ILDR2: variants seen among roughly 807,000 people sequenced by gnomAD.
ILDR2 encodes immunoglobulin like domain containing receptor 2.
In ILDR2, 25 loss-of-function variants were observed where a neutral mutation model predicts 66.8. The observed-to-expected ratio is 0.37, with a 90% CI of 0.27 to 0.52. The LOEUF is 0.52. Among genes scored for constraint, ILDR2 ranks in the 20% least tolerant of loss-of-function variants. ILDR2 has a pLI of 0.88. For synonymous variants in ILDR2, 367 were observed against 357.2 expected (o/e 1.03, Z -0.31); for missense variants, 827 against 876.8 (o/e 0.94, Z 0.72).
At position 166,919,132 on chromosome 1, in the gene ILDR2, C is replaced by T. The variant is rs1322374014; in HGVS notation, c.*223G>A. The T allele has an allele frequency of 7.3e-6, 4 of 544,260 alleles. No individual in the cohort carries two copies. Among genetic ancestry groups the T allele is most frequent in the Non-Finnish European group, 1.3e-5 (4 of 302,942 alleles). The allele number at this position is 544,260 out of a possible 1,614,324, so 33.7% of individuals were successfully genotyped here. A position where few individuals can be genotyped will look rare whatever the true frequency, so the allele number is the denominator to read the frequency against. On this transcript the variant is annotated 3_prime_UTR_variant, in exon 10 of 10. Coordinates refer to ENST00000271417, the MANE Select transcript of ILDR2 (RefSeq NM_199351.3). ...CTCTGTATGTAGGAATGTTCTCACACATTCTTGCTTTCTTGGTAAGCTTCT... is the reference window on the plus strand; with the variant it reads ...CTCTGTATGTAGGAATGTTCTCACATATTCTTGCTTTCTTGGTAAGCTTCT...
intron 3 of ILDR2, among the ~76,000 whole-genome samples, chr1:166,948,256 G>A (rs1661758217): frequency 6.6e-6 from 1 of 152,160 alleles, no homozygotes; most frequent in South Asian, 2.1e-4. Context: ...AAAGATGGGT[G>A]ACCATCATAC....
Position 166,921,059 on chromosome 1 carries a change from G to C in ILDR2, c.1532C>G (p.Pro511Arg). 5 of 1,493,500 alleles carry C rather than the reference G, an allele frequency of 3.3e-6. No homozygotes were observed. Among genetic ancestry groups the C allele is most frequent in the Non-Finnish European group, 4.4e-6 (5 of 1,131,902 alleles). 92.5% of individuals were successfully genotyped at this position (1,493,500 alleles called of 1,614,324 possible). Residue 511 changes from proline (P) to arginine (R), a missense_variant, in exon 9 of 10, where the codon CCG becomes CGG. By Grantham distance (103) the Pro-to-Arg change is moderately radical. Transcript: ENST00000271417. This position sits in a 1 kb window ranked among gnomAD's most constrained non-coding sequence, Gnocchi z 5.3. ...RRRPAEDAHL[P>R]RLVSRTPGTA... ...GCCTGGCGTGCGGCTCACCAGCCGC[G>C]GCAGGTGCGCGTCCTCGGCGGGTCT...
At chr1:166,946,671 C>T (rs145683989) in intron 3 of ILDR2, among the ~76,000 whole-genome samples, 87 of 152,232 alleles carry the variant, frequency 5.7e-4, no homozygotes, top group African/African-American at 2.0e-3. Context: ...CCAAGTCACA[C>T]AATTCACTAA....
chr1:166,936,818 G>A lies in ILDR2; in HGVS notation c.557-81C>T. 1 of 1,364,100 alleles carries A rather than the reference G, an allele frequency of 7.3e-7. No individual in the cohort carries two copies. Among genetic ancestry groups the A allele is most frequent in the Non-Finnish European group, 1.0e-6 (1 of 969,220 alleles). 84.5% of individuals were successfully genotyped at this position (1,364,100 alleles called of 1,614,324 possible). ...TGCACTTTGATTGGCATCTCCCGGT[G>A]AAAGGGGGAGAGGAGGAGGGACCTA... On this transcript the variant is annotated intron_variant, in intron 4 of 9. Coordinates refer to ENST00000271417, the MANE Select transcript of ILDR2 (RefSeq NM_199351.3). This position sits in a 1 kb window ranked among gnomAD's most constrained non-coding sequence, Gnocchi z 5.0.
chr1:166,907,865 C>T (rs1253859527), downstream of ILDR2, among the ~76,000 whole-genome samples: 2 of 152,146 alleles, frequency 1.3e-5, no homozygotes, highest in Non-Finnish European at 2.9e-5. Context: ...TTCTGATAAC[C>T]ATGTTAGAGA....
chr1:166,957,638 T>C, intron 2 of ILDR2, 131 bp downstream of exon 2: 1 of 756,006 alleles, frequency 1.3e-6, no homozygotes, highest in Non-Finnish European at 2.1e-6. Flanking sequence ...TGCTCCCATT[T>C]CCAATAAAAT....
Position 166,916,648 on chromosome 1 carries a change from A to G in ILDR2, c.*2707T>C, listed in dbSNP as rs983825681. The G allele has an allele frequency of 6.6e-6, 1 of 152,220 alleles. No homozygotes were observed. The highest frequency in any genetic ancestry group is 2.4e-5 in the African/African-American group (1 of 41,464). 9.4% of individuals were successfully genotyped at this position (152,220 alleles called of 1,614,324 possible). A position where few individuals can be genotyped will look rare whatever the true frequency, so the allele number is the denominator to read the frequency against. ...ACTCAGCCTTAACTCCTGTCCATAT[A>G]CCCAGAAACAACTGCTTTTTCTCTC... On this transcript the variant is annotated 3_prime_UTR_variant, in exon 10 of 10. Transcript: ENST00000271417.
At chr1:166,924,188 A>G (rs890583179) in intron 7 of ILDR2, among the ~76,000 whole-genome samples, 13 of 152,202 alleles carry the variant, frequency 8.5e-5, no homozygotes, top group Admixed American at 3.3e-4. Context: ...CTTTTCTTCC[A>G]TCTAAGAAGA....
intron 2 of ILDR2, among the ~76,000 whole-genome samples, chr1:166,899,434 G>A (rs952464498): frequency 2.0e-5 from 3 of 151,722 alleles, no homozygotes; most frequent in Non-Finnish European, 4.4e-5. Context: ...AAAAAGACAC[G>A]ATTGCTATCC....
chr1:166,964,177 A>C lies in ILDR2; in HGVS notation c.47-6076T>G, dbSNP rs182545048. Among the ~76,000 whole-genome samples, 10 of 152,288 alleles carry C rather than the reference A, an allele frequency of 6.6e-5. No homozygotes were observed. In the South Asian group the frequency reaches 1.0e-3, roughly 16 times the overall value. ...AAATTTAAGAATTCCTCACTAAAAG[A>C]AGCACTAGAATTGAAGACCACAGGT... is the stretch of plus-strand genomic sequence containing the variant. On this transcript the variant is annotated intron_variant, in intron 1 of 9. Coordinates refer to ENST00000271417, the MANE Select transcript of ILDR2 (RefSeq NM_199351.3).
At chr1:166,974,071 C>G (rs116489743) in intron 1 of ILDR2, among the ~76,000 whole-genome samples, 51 of 152,278 alleles carry the variant, frequency 3.3e-4, no homozygotes, top group African/African-American at 1.2e-3. Flanking sequence ...GCTTGTTCCC[C>G]TTTGCCTAGT....
chr1:166,922,895 T>C, intron 7 of ILDR2, 86 bp from the exon 8 acceptor site: 1 of 1,203,808 alleles, frequency 8.3e-7, no homozygotes. Context: ...GCTGAGACCC[T>C]AGGCTCCAGG....
rs1235812007 is a variant in ILDR2 at position 166,920,896 on chromosome 1, G to A, written c.1695C>T (p.Tyr565=). The A allele has an allele frequency of 4.7e-6, 7 of 1,484,262 alleles. No individual in the cohort carries two copies. The highest frequency in any genetic ancestry group is 1.5e-5 in the African/African-American group (1 of 68,624). 91.9% of individuals were successfully genotyped at this position (1,484,262 alleles called of 1,614,324 possible). A position where few individuals can be genotyped will look rare whatever the true frequency, so the allele number is the denominator to read the frequency against. The change falls in exon 9 of 10, where the codon TAC becomes TAT. Residue 565 remains tyrosine, a synonymous_variant. Transcript: ENST00000271417. ...SAQLGPRSAS[Y]YAWSPPGTYK... is the part of the protein sequence containing the mutation. ...AGGTGCCGGGCGGCGACCAAGCGTA[G>A]TAGGAGGCGCTGCGCGGGCCGAGCT...
chr1:166,939,789 C>T (rs1232694045), intron 3 of ILDR2, among the ~76,000 whole-genome samples: 4 of 152,146 alleles, frequency 2.6e-5, no homozygotes, highest in Non-Finnish European at 4.4e-5. Context: ...CTAAACTAAG[C>T]GGAAGCAGAA....
chr1:166,932,960 G>C (rs542163819), intron 6 of ILDR2, among the ~76,000 whole-genome samples: 1 of 152,296 alleles, frequency 6.6e-6, no homozygotes, highest in African/African-American at 2.4e-5. Flanking sequence ...AGGAGGACTA[G>C]CCAAACACTA....
At position 166,921,156 on chromosome 1, in the gene ILDR2, C is replaced by T. The variant is rs754671976; in HGVS notation, c.1435G>A (p.Gly479Ser). 4.5e-6 allele frequency: 7 copies of T among 1,539,862 alleles called. No individual in the cohort carries two copies. In the African/African-American group the frequency reaches 6.8e-5, roughly 15 times the overall value. Reference protein sequence around the residue: ...YQDDSLEEYYGQRSRSREPLT... With the variant: ...YQDDSLEEYYSQRSRSREPLT... The stretch of plus-strand genomic sequence containing the variant: ...GGCTCGCGGCTGCGGCTGCGCTGAC[C>T]GTAGTACTCCTCCAAGGAGTCGTCC... The change falls in exon 9 of 10, where the codon GGT becomes AGT. Residue 479 changes from glycine to serine, a missense_variant. Gly to Ser is a moderately conservative substitution (Grantham distance 56). Around this residue, in one of 2 missense-constraint regions of ILDR2, gnomAD observed 390 missense variants for 353.6 expected, o/e 1.10. Coordinates refer to ENST00000271417, the MANE Select transcript of ILDR2 (RefSeq NM_199351.3). This position sits in a 1 kb window ranked among gnomAD's most constrained non-coding sequence, Gnocchi z 5.3.
intron 6 of ILDR2, chr1:166,933,487 C>A (rs1472525317): frequency 2.2e-6 from 2 of 913,708 alleles, no homozygotes; most frequent in South Asian, 1.0e-4. Context: ...AACCCTGGAA[C>A]TACCTTACCT....
Position 166,921,466 on chromosome 1 carries a change from G to A in ILDR2, c.1212-87C>T, listed in dbSNP as rs1424384390. 1.0e-5 allele frequency: 12 copies of A among 1,176,578 alleles called. No individual in the cohort carries two copies. In the East Asian group the frequency reaches 2.5e-4, roughly 24 times the overall value. The allele number at this position is 1,176,578 out of a possible 1,614,324, so 72.9% of individuals were successfully genotyped here. A position where few individuals can be genotyped will look rare whatever the true frequency, so the allele number is the denominator to read the frequency against. ...CCCAAGAGCACCCATCGTGTCCTGG[G>A]GCCACGCTCAGGAGACCTCGGCCTG... On this transcript the variant is annotated intron_variant, in intron 8 of 9. Transcript: ENST00000271417. The surrounding 1 kb of genome is among the most constrained non-coding windows in gnomAD (Gnocchi z 5.3).
chr1:166,923,198 C>T (rs986520969), intron 7 of ILDR2, among the ~76,000 whole-genome samples: 2 of 152,134 alleles, frequency 1.3e-5, no homozygotes, highest in African/African-American at 4.8e-5. Context: ...TGATCCTAGA[C>T]ATGTTAAGCC....
Sources: gnomAD v4.1 joint callset for allele counts (sites outside exome capture counted in the v4.1 genomes callset) on GRCh38, gnomAD v4.1.1 for gene constraint, gnomAD v4.1.1 regional missense constraint, Gnocchi (gnomAD v3.1) non-coding constraint, MANE v1.5 for transcripts, NCBI Gene and HGNC (gene_info 2026-07-23, HGNC 2026-07-21) for gene names.